RTEL1: variants seen among roughly 807,000 people sequenced by gnomAD.
RTEL1 encodes the protein regulator of telomere length.
In RTEL1, 86 loss-of-function variants were observed where a neutral mutation model predicts 162.2. The observed-to-expected ratio is 0.53, with a 90% CI of 0.45 to 0.63. The LOEUF is 0.63. RTEL1 is among the 30% of genes least tolerant of loss of function. The pLI is 0.00. For synonymous variants in RTEL1, 958 were observed against 717.9 expected (o/e 1.33, Z -5.35); for missense variants, 1,941 against 1,750.2 (o/e 1.11, Z -1.95).
intron 6 of RTEL1, among the ~76,000 whole-genome samples, chr20:63,664,648 G>A (rs536731282): frequency 3.3e-5 from 5 of 152,352 alleles, no homozygotes; most frequent in African/African-American, 9.6e-5. Context: ...AGGTTGCCTA[G>A]CCGTGAACCT....
intron 6 of RTEL1, among the ~76,000 whole-genome samples, chr20:63,663,737 G>C (rs1183295231): frequency 6.6e-6 from 1 of 152,218 alleles, no homozygotes; most frequent in Admixed American, 6.5e-5. Flanking sequence ...TCAAGCCTCA[G>C]GTGAGGTGGC....
intron 14 of RTEL1, chr20:63,681,004 C>G (rs1031856871): frequency 1.0e-6 from 1 of 985,418 alleles, no homozygotes; most frequent in Non-Finnish European, 1.2e-6. Context: ...CTGCCCTGTC[C>G]GGGCCCTCAG....
intron 28 of RTEL1, chr20:63,692,562 C>T (rs553366718): frequency 1.7e-5 from 10 of 573,962 alleles, no homozygotes; most frequent in Non-Finnish European, 6.3e-6. Flanking sequence ...CTACCCTTTG[C>T]CCATTCACTG....
chr20:63,661,339 GACGCTGT>G lies in RTEL1; in HGVS notation c.145_151del (p.Thr49AlafsTer50). The G allele has an allele frequency of 6.2e-7, 1 of 1,613,112 alleles. No homozygotes were observed. Among genetic ancestry groups the G allele is most frequent in the South Asian group, 1.1e-5 (1 of 91,030 alleles). The stretch of plus-strand genomic sequence containing the variant: ...TGGAGAGCCCTACGGGTACAGGGAA[GACGCTGT>G]GCCTGCTGTGCACCACGCTGGCCTG... On this transcript the variant is annotated frameshift_variant, in exon 3 of 35. Transcript: ENST00000360203. LOFTEE classifies it high-confidence loss of function. This position sits in a 1 kb window ranked among gnomAD's most constrained non-coding sequence, Gnocchi z 5.1.
chr20:63,685,908 G>A (rs776403548), intron 16 of RTEL1, 36 bp downstream of exon 16: 27 of 1,584,502 alleles, frequency 1.7e-5, no homozygotes, highest in Admixed American at 1.2e-4. Flanking sequence ...CCGCCCGCCC[G>A]GGTGCAGTGC....
Position 63,695,377 on chromosome 20 carries a change from C to A in RTEL1, c.3549C>A (p.Ser1183=). 1 of 1,546,304 alleles carries A rather than the reference C, an allele frequency of 6.5e-7. No homozygotes were observed. The highest frequency in any genetic ancestry group is 1.4e-5 in the African/African-American group (1 of 73,168). ...KTGKTQSKIS[S]FLRQRPAGTV... ...GGAAGACCCAGAGCAAGATCTCGTC[C>A]TTCCTTAGACAGAGGCCAGCAGGGA... The change falls in exon 34 of 35, where the codon TCC becomes TCA. Residue 1183 remains serine (S), a synonymous_variant. Transcript: ENST00000360203.
Position 63,674,227 on chromosome 20 carries a change from C to G in RTEL1, c.919+134C>G, listed in dbSNP as rs1034792591. 6.3e-6 allele frequency: 9 copies of G among 1,428,728 alleles called. No individual in the cohort carries two copies. The African/African-American group carries it at 8.6e-5, about 14-fold the overall frequency. 88.5% of individuals were successfully genotyped at this position (1,428,728 alleles called of 1,614,324 possible). ...CTGCTTGGTCCTGAGGCCCGTGCTA[C>G]TGCAGTGGGCAGCCTGCCCTGTGGC... On this transcript the variant is annotated intron_variant, in intron 10 of 34. Coordinates refer to ENST00000360203, the MANE Select transcript of RTEL1 (RefSeq NM_001283009.2).
chr20:63,695,627 G>A lies in RTEL1; in HGVS notation c.3799G>A (p.Ala1267Thr), dbSNP rs1601200826. 2 of 1,611,514 alleles carry A rather than the reference G, an allele frequency of 1.2e-6. No homozygotes were observed. Among genetic ancestry groups the A allele is most frequent in the African/African-American group, 1.3e-5 (1 of 75,068 alleles). Residue 1267 changes from alanine (A) to threonine (T), a missense_variant, in exon 34 of 35, where the codon GCC becomes ACC. Physicochemically the swap from Ala to Thr is moderately conservative, Grantham distance 58. Coordinates refer to ENST00000360203, the MANE Select transcript of RTEL1 (RefSeq NM_001283009.2). ...TGCCTGTGACTTCCAGCGCTGCCAA[G>A]CCTGCTGGCAACGGCACCTTCAGGT... ...CPACDFQRCQACWQRHLQASR... is the reference protein window; with the variant it reads ...CPACDFQRCQTCWQRHLQASR...
chr20:63,659,352 G>A lies in RTEL1; in HGVS notation c.-51G>A, dbSNP rs548912361. ...CGGAGTGGTTTTTTCGCACAGACCCGAATAGCCTGCCCCTCAGCCACGCTC... is the reference window on the plus strand; with the variant it reads ...CGGAGTGGTTTTTTCGCACAGACCCAAATAGCCTGCCCCTCAGCCACGCTC... On this transcript the variant is annotated 5_prime_UTR_variant, in exon 2 of 35. Coordinates refer to ENST00000360203, the MANE Select transcript of RTEL1 (RefSeq NM_001283009.2). The A allele has an allele frequency of 2.1e-6, 3 of 1,400,002 alleles. No individual in the cohort carries two copies. The highest frequency in any genetic ancestry group is 2.3e-5 in the East Asian group (1 of 43,826). 86.7% of individuals were successfully genotyped at this position (1,400,002 alleles called of 1,614,324 possible).
chr20:63,664,894 C>T (rs75671088), intron 6 of RTEL1, among the ~76,000 whole-genome samples: 8,730 of 152,280 alleles, frequency 0.057, 346 homozygotes, highest in Non-Finnish European at 0.086. Flanking sequence ...GCCTCTGGGA[C>T]GGCCCCGCCC....
intron 26 of RTEL1, 70 bp downstream of exon 26, chr20:63,690,511 A>G (rs1005554777): frequency 1.3e-5 from 17 of 1,334,730 alleles, no homozygotes; most frequent in Non-Finnish European, 1.1e-5. Context: ...GGGCAGCACC[A>G]GGCGCCCAGG....
At chr20:63,677,679 T>C (rs755069855) in intron 10 of RTEL1, among the ~76,000 whole-genome samples, 1 of 152,252 alleles carries the variant, frequency 6.6e-6, no homozygotes, top group Non-Finnish European at 1.5e-5. Flanking sequence ...GGATTTGGCC[T>C]GTGTAGCCTC....
At position 63,679,225 on chromosome 20, in the gene RTEL1, G is replaced by A. The variant is rs530822189; in HGVS notation, c.1038-624G>A. ...TGGGGGCTCTCCTGAGCGCACAGCC[G>A]CCGAGGTGGAGCGTGTTCTGCCTGA... On this transcript the variant is annotated intron_variant, in intron 12 of 34. Transcript: ENST00000360203. Among the ~76,000 whole-genome samples, 30 of 152,304 alleles carry A rather than the reference G, an allele frequency of 2.0e-4. No individual in the cohort carries two copies. The South Asian group carries it at 4.1e-3, about 21-fold the overall frequency.
At position 63,687,788 on chromosome 20, in the gene RTEL1, C is replaced by T. The variant is rs144022543; in HGVS notation, c.1481+18C>T. On this transcript the variant is annotated intron_variant, in intron 17 of 34. Coordinates refer to ENST00000360203, the MANE Select transcript of RTEL1 (RefSeq NM_001283009.2). Reference sequence around the variant, plus strand: ...ATGCAGATGTACGGGCCACCCCTGCCAGGGCCTGAGCACCGGTGACACCTC... The same window carrying T: ...ATGCAGATGTACGGGCCACCCCTGCTAGGGCCTGAGCACCGGTGACACCTC... 1.8e-4 allele frequency: 277 copies of T among 1,560,824 alleles called. No individual in the cohort carries two copies. The African/African-American group carries it at 3.2e-3, about 18-fold the overall frequency.
intron 30 of RTEL1, among the ~76,000 whole-genome samples, 197 bp downstream of exon 30, chr20:63,693,480 TCCACCA>T (rs1568720161): frequency 0.02 from 109 of 5,406 alleles, 6 homozygotes; most frequent in African/African-American, 0.031. Context: ...CACCTCCACC[TCCACCA>T]CCACCTCCAC....
intron 26 of RTEL1, 85 bp from the exon 27 acceptor site, chr20:63,690,720 C>CT (rs1169141011): frequency 1.1e-5 from 16 of 1,445,030 alleles, no homozygotes; most frequent in South Asian, 5.5e-5. Context: ...TGCTGGGACT[C>CT]TCCCCCAAGA....
At position 63,696,123 on chromosome 20, in the gene RTEL1, G is replaced by C; in HGVS notation, c.*265G>C. 1 of 532,566 alleles carries C rather than the reference G, an allele frequency of 1.9e-6. No individual in the cohort carries two copies. The highest frequency in any genetic ancestry group is 3.3e-6 in the Non-Finnish European group (1 of 299,690). The allele number at this position is 532,566 out of a possible 1,614,324, so 33.0% of individuals were successfully genotyped here. ...CCAGAACTTCCCTGGCTCCTGGCCT[G>C]TGAGTGGTGCCACAGGGGCACCCCA... On this transcript the variant is annotated 3_prime_UTR_variant, in exon 35 of 35. Coordinates refer to ENST00000360203, the MANE Select transcript of RTEL1 (RefSeq NM_001283009.2).
intron 23 of RTEL1, 44 bp downstream of exon 23, chr20:63,689,692 CTG>C (rs765341046): frequency 1.9e-6 from 3 of 1,604,334 alleles, no homozygotes; most frequent in Non-Finnish European, 2.6e-6. Flanking sequence ...GGTCTGGTGA[CTG>C]AGCCCCCGCC....
rs569015841 is a variant in RTEL1, at chr20:63,671,366, C to T, written c.700-1190C>T. Reference sequence around the variant, plus strand: ...GAACCACCGCACCCGGCTGGACCTACTGTTTTATTCCATTTATGTGACACT... The same window carrying T: ...GAACCACCGCACCCGGCTGGACCTATTGTTTTATTCCATTTATGTGACACT... On this transcript the variant is annotated intron_variant, in intron 8 of 34. Coordinates refer to ENST00000360203, the MANE Select transcript of RTEL1 (RefSeq NM_001283009.2). Among the ~76,000 whole-genome samples the T allele has an allele frequency of 2.6e-3, 399 of 152,146 alleles. 3 individuals carry two copies. The highest frequency in any genetic ancestry group is 0.017 in the Middle Eastern group (5 of 294).
Sources: allele counts gnomAD v4.1 joint callset (sites outside exome capture counted in the v4.1 genomes callset), GRCh38; gene constraint gnomAD v4.1.1; non-coding constraint Gnocchi (gnomAD v3.1); transcripts MANE v1.5; gene names NCBI Gene and HGNC (gene_info 2026-07-23, HGNC 2026-07-21).